DPY19L3: variants seen among roughly 807,000 people sequenced by gnomAD.
DPY19L3 encodes the protein protein C-mannosyl-transferase DPY19L3.
Under a neutral mutation model 92.3 loss-of-function variants are expected in DPY19L3, and 51 were observed. That is an observed-to-expected ratio of 0.55 (90% CI 0.44 to 0.70). The LOEUF is 0.70. Among genes scored for constraint, DPY19L3 ranks in the 30% least tolerant of loss-of-function variants. DPY19L3 has a pLI of 0.00. For missense variants in DPY19L3, 706 were observed against 855.9 expected, an observed-to-expected ratio of 0.82 and a Z score of 2.18; for synonymous variants, 309 against 315.2, an observed-to-expected ratio of 0.98 and a Z score of 0.21.
chr19:32,468,078 T>G, intron 15 of DPY19L3: 1 of 985,290 alleles, frequency 1.0e-6, no homozygotes, highest in Non-Finnish European at 1.2e-6. Context: ...TCATGCTATT[T>G]TGAAATGAAA....
In DPY19L3 at chr19:32,411,003, C is replaced by G. The variant is rs531964289; in HGVS notation, c.104-236C>G. On this transcript the variant is annotated intron_variant, in intron 2 of 18. Transcript: ENST00000392250. ...ATGAATAAGATAATGTATTTGTCTT[C>G]AAGAAGCTCACGTTGTAGTTGGCAG... Among the ~76,000 whole-genome samples, 4 of 152,248 alleles carry G rather than the reference C, an allele frequency of 2.6e-5. No individual in the cohort carries two copies. The East Asian group carries it at 7.7e-4, about 29-fold the overall frequency.
chr19:32,482,263 A>T lies in DPY19L3; in HGVS notation c.*23A>T, dbSNP rs373585101. Reference sequence around the variant, plus strand: ...TAGCGCAGATTTCTGCCCAGTGTCTATTTTTGATACGGAGAAACTGCATCA... The same window carrying T: ...TAGCGCAGATTTCTGCCCAGTGTCTTTTTTTGATACGGAGAAACTGCATCA... On this transcript the variant is annotated 3_prime_UTR_variant, in exon 19 of 19. Coordinates refer to ENST00000392250, the MANE Select transcript of DPY19L3 (RefSeq NM_001172774.2). The T allele has an allele frequency of 3.8e-6, 6 of 1,599,560 alleles. No individual in the cohort carries two copies. In the African/African-American group the frequency reaches 8.1e-5, roughly 22 times the overall value.
intron 3 of DPY19L3, among the ~76,000 whole-genome samples, chr19:32,425,694 G>C (rs1318512631): frequency 6.6e-6 from 1 of 152,092 alleles, no homozygotes; most frequent in Non-Finnish European, 1.5e-5. Context: ...ATTTTGAAAA[G>C]AATTTTTTTT....
At chr19:32,478,403 C>T (rs1031255010) in intron 17 of DPY19L3, among the ~76,000 whole-genome samples, 2 of 152,158 alleles carry the variant, frequency 1.3e-5, no homozygotes, top group African/African-American at 4.8e-5. Context: ...ATACTGGTCA[C>T]GTTTCTTATG....
intron 8 of DPY19L3, among the ~76,000 whole-genome samples, chr19:32,447,565 A>G (rs1458182415): frequency 6.6e-6 from 1 of 151,956 alleles, no homozygotes; most frequent in Non-Finnish European, 1.5e-5. Flanking sequence ...AAAAATAGAA[A>G]AATTAGCTGA....
At chr19:32,437,049 C>A in intron 5 of DPY19L3, 145 bp from the exon 6 acceptor site, 2 of 922,920 alleles carry the variant, frequency 2.2e-6, no homozygotes, top group Non-Finnish European at 3.2e-6. Flanking sequence ...CCGAACGCTT[C>A]TCTAATAGAT....
At chr19:32,419,714 A>C (rs528793531) in intron 3 of DPY19L3, among the ~76,000 whole-genome samples, 1 of 152,304 alleles carries the variant, frequency 6.6e-6, no homozygotes, top group South Asian at 2.1e-4. Context: ...GATTATAGAC[A>C]TGAGCCACAA....
chr19:32,457,217 G>A (rs1485748504), intron 10 of DPY19L3, among the ~76,000 whole-genome samples: 1 of 152,160 alleles, frequency 6.6e-6, no homozygotes, highest in African/African-American at 2.4e-5. Context: ...TACAACAAGA[G>A]GAAGTAGAGA....
chr19:32,419,527 CA>C (rs1477718711), intron 3 of DPY19L3, among the ~76,000 whole-genome samples: 3 of 151,796 alleles, frequency 2.0e-5, no homozygotes, highest in Non-Finnish European at 2.9e-5. Context: ...GTGGTGCAAT[CA>C]AGGTCACTGC....
intron 16 of DPY19L3, 102 bp from the exon 17 acceptor site, chr19:32,477,420 G>T: frequency 6.8e-7 from 1 of 1,466,180 alleles, no homozygotes; most frequent in Non-Finnish European, 9.4e-7. Flanking sequence ...GTAACACTTG[G>T]TAACATAGCT....
intron 3 of DPY19L3, among the ~76,000 whole-genome samples, chr19:32,413,810 C>T (rs529010624): frequency 6.6e-6 from 1 of 152,172 alleles, no homozygotes; most frequent in Non-Finnish European, 1.5e-5. Flanking sequence ...AGCCCCCAAA[C>T]TCTGGGCTGA....
intron 3 of DPY19L3, among the ~76,000 whole-genome samples, chr19:32,429,429 G>T (rs943280499): frequency 1.3e-5 from 2 of 152,212 alleles, no homozygotes; most frequent in Non-Finnish European, 2.9e-5. Context: ...TGTAAAACTT[G>T]CAAGTGTCTG....
intron 16 of DPY19L3, among the ~76,000 whole-genome samples, chr19:32,471,791 T>C (rs1970365445): frequency 6.6e-6 from 1 of 152,118 alleles, no homozygotes; most frequent in South Asian, 2.1e-4. Context: ...TGAAGAGATA[T>C]CCTCAAGGGA....
intron 12 of DPY19L3, among the ~76,000 whole-genome samples, chr19:32,459,998 T>G (rs1969986466): frequency 6.6e-6 from 1 of 152,206 alleles, no homozygotes; most frequent in Non-Finnish European, 1.5e-5. Flanking sequence ...TGGTATAACC[T>G]ACTGCATCTA....
intron 14 of DPY19L3, among the ~76,000 whole-genome samples, 155 bp from the exon 15 acceptor site, chr19:32,464,573 A>G (rs1970144104): frequency 6.6e-6 from 1 of 152,298 alleles, no homozygotes; most frequent in East Asian, 1.9e-4. Context: ...ACAGTGGCTC[A>G]CTCCTATAAT....
intron 6 of DPY19L3, among the ~76,000 whole-genome samples, chr19:32,438,313 AT>A (rs888697273): frequency 2.0e-5 from 3 of 152,160 alleles, no homozygotes; most frequent in African/African-American, 7.2e-5. Context: ...TATGTGTTAT[AT>A]GGGTTCTTAG....
intron 3 of DPY19L3, among the ~76,000 whole-genome samples, chr19:32,426,703 C>T (rs1568330814): frequency 6.6e-6 from 1 of 152,114 alleles, no homozygotes; most frequent in Non-Finnish European, 1.5e-5. Flanking sequence ...AAAACAGTTA[C>T]AGTAGTATTA....
At chr19:32,453,860 T>A (rs373639868) in intron 9 of DPY19L3, among the ~76,000 whole-genome samples, 1 of 152,174 alleles carries the variant, frequency 6.6e-6, no homozygotes. Flanking sequence ...TCTTTTAGCT[T>A]TATTTATATA....
rs746009153 is a variant in DPY19L3 at position 32,458,481 on chromosome 19, G to A, written c.1294G>A (p.Ala432Thr). ...CGTTCTGTCCATCACAGTGATTGTA[G>A]CATTCGTTGTTGCCTTTCATAATCT... is the stretch of plus-strand genomic sequence containing the variant. ...IFVLSITVIV[A>T]FVVAFHNLSD... The change falls in exon 12 of 19, where the codon GCA (alanine) becomes ACA (threonine). Residue 432 changes from alanine to threonine, a missense_variant. Ala to Thr is a moderately conservative substitution (Grantham distance 58). Transcript: ENST00000392250. 2 of 1,611,854 alleles carry A rather than the reference G, an allele frequency of 1.2e-6. No homozygotes were observed. The highest frequency in any genetic ancestry group is 2.2e-5 in the South Asian group (2 of 90,374).
Sources: allele counts gnomAD v4.1 joint callset (sites outside exome capture counted in the v4.1 genomes callset), GRCh38; gene constraint gnomAD v4.1.1; transcripts MANE v1.5; gene names NCBI Gene and HGNC (gene_info 2026-07-23, HGNC 2026-07-21).